Variants in DENND1A observed in about 807,000 individuals in gnomAD.
The protein encoded by DENND1A is DENN domain containing 1A, also known as DENN domain-containing protein 1A.
Under a neutral mutation model 113.7 loss-of-function variants are expected in DENND1A, and 51 were observed. That is an observed-to-expected ratio of 0.45 (90% CI 0.36 to 0.57). DENND1A has a LOEUF of 0.57. DENND1A is among the 20% of genes least tolerant of loss of function. DENND1A has a pLI of 0.00. For synonymous variants in DENND1A, 565 were observed against 570.8 expected (o/e 0.99, Z 0.14); for missense variants, 1,258 against 1,395.9 (o/e 0.90, Z 1.57).
intron 2 of DENND1A, among the ~76,000 whole-genome samples, chr9:123,877,473 T>C (rs1442620628): frequency 7.1e-6 from 1 of 140,260 alleles, no homozygotes; most frequent in Non-Finnish European, 1.6e-5. Flanking sequence ...TGGGCGACAG[T>C]GCAAGATGCC....
At chr9:123,799,994 C>A (rs1262445948) in intron 2 of DENND1A, among the ~76,000 whole-genome samples, 1 of 152,208 alleles carries the variant, frequency 6.6e-6, no homozygotes, top group Non-Finnish European at 1.5e-5. Flanking sequence ...ATTGGAAATA[C>A]ATGTGTTCCT....
intron 3 of DENND1A, among the ~76,000 whole-genome samples, chr9:123,781,860 A>G (rs564435712): frequency 1.3e-5 from 2 of 152,332 alleles, no homozygotes; most frequent in South Asian, 4.1e-4. Context: ...ACCTGAGGTC[A>G]GGAGTTCAAG....
intron 5 of DENND1A, among the ~76,000 whole-genome samples, chr9:123,678,576 A>G (rs2064242758): frequency 6.6e-6 from 1 of 152,172 alleles, no homozygotes; most frequent in Non-Finnish European, 1.5e-5. Context: ...CCCTGTACAG[A>G]TTACCGGCTG....
At position 123,421,127 on chromosome 9, in the gene DENND1A, C is replaced by T. The variant is rs546965178; in HGVS notation, c.1489-9298G>A. Among the ~76,000 whole-genome samples, 10 of 147,218 alleles carry T rather than the reference C, an allele frequency of 6.8e-5. No individual in the cohort carries two copies. The East Asian group carries it at 1.4e-3, about 21-fold the overall frequency. On this transcript the variant is annotated intron_variant, in intron 19 of 23. Transcript: ENST00000394215. ...TGACATTCCCAGGAGGAGGGGGACA[C>T]GAGGTGAGGTTAGAGGGGCTTCCAG...
intron 10 of DENND1A, among the ~76,000 whole-genome samples, chr9:123,613,424 C>A (rs919751179): frequency 1.3e-5 from 2 of 152,070 alleles, no homozygotes; most frequent in African/African-American, 2.4e-5. Context: ...CCATGTTTTT[C>A]CAAGGGTATC....
intron 13 of DENND1A, among the ~76,000 whole-genome samples, chr9:123,537,377 A>G (rs1286060564): frequency 6.6e-6 from 1 of 151,992 alleles, no homozygotes; most frequent in Admixed American, 6.5e-5. Flanking sequence ...AAGGAATAAC[A>G]TCTCAATAAT....
chr9:123,392,861 C>G (rs564137497), intron 21 of DENND1A, among the ~76,000 whole-genome samples: 1 of 152,250 alleles, frequency 6.6e-6, no homozygotes, highest in Non-Finnish European at 1.5e-5. Context: ...GTCATTCTTA[C>G]GCCTTTGCAT....
At chr9:123,531,765 A>G (rs1342510100) in intron 13 of DENND1A, among the ~76,000 whole-genome samples, 2 of 152,218 alleles carry the variant, frequency 1.3e-5, no homozygotes, top group African/African-American at 4.8e-5. Context: ...GAAATAAGAA[A>G]CTTAAAAATG....
chr9:123,681,387 G>A (rs1252699123), intron 5 of DENND1A, among the ~76,000 whole-genome samples: 1 of 152,084 alleles, frequency 6.6e-6, no homozygotes, highest in Non-Finnish European at 1.5e-5. Context: ...TCCGTGATAG[G>A]AAGGGGCAGC....
At chr9:123,763,058 G>A (rs2071171473) in intron 4 of DENND1A, among the ~76,000 whole-genome samples, 1 of 151,902 alleles carries the variant, frequency 6.6e-6, no homozygotes, top group Non-Finnish European at 1.5e-5. Context: ...AGTCCCACAG[G>A]TCATGGTAAA....
intron 5 of DENND1A, among the ~76,000 whole-genome samples, chr9:123,746,194 A>G (rs2069490654): frequency 6.6e-6 from 1 of 152,222 alleles, no homozygotes; most frequent in African/African-American, 2.4e-5. Flanking sequence ...AGGGAAAAAC[A>G]CAGGGTTGTG....
rs373012668 is a variant in DENND1A at position 123,632,624 on chromosome 9, T to G, written c.619-2148A>C. Among the ~76,000 whole-genome samples the G allele has an allele frequency of 1.5e-4, 23 of 152,146 alleles. 1 individual carries two copies. The East Asian group carries it at 1.5e-3, about 10-fold the overall frequency. Reference sequence around the variant, plus strand: ...CGGCCCATCACTTCCTACTCAGAAGTCTTTGGGGACAAGCCTGGCCCGGAT... The same window carrying G: ...CGGCCCATCACTTCCTACTCAGAAGGCTTTGGGGACAAGCCTGGCCCGGAT... On this transcript the variant is annotated intron_variant, in intron 9 of 23. Coordinates refer to ENST00000394215, the MANE Select transcript of DENND1A (RefSeq NM_001352964.2).
At chr9:123,476,767 C>T (rs1011808317) in intron 13 of DENND1A, among the ~76,000 whole-genome samples, 1 of 152,196 alleles carries the variant, frequency 6.6e-6, no homozygotes, top group Admixed American at 6.5e-5. Flanking sequence ...ATTTAATTCT[C>T]GTAACCACCC....
At chr9:123,704,498 G>A (rs573252407) in intron 5 of DENND1A, among the ~76,000 whole-genome samples, 1 of 152,144 alleles carries the variant, frequency 6.6e-6, no homozygotes, top group African/African-American at 2.4e-5. Context: ...CACCCATCGT[G>A]GTCTCATAAA....
chr9:123,859,054 T>C (rs1260261911), intron 2 of DENND1A, among the ~76,000 whole-genome samples: 1 of 152,148 alleles, frequency 6.6e-6, no homozygotes. Flanking sequence ...CCAGGAAGAA[T>C]GCATAGCAAA....
chr9:123,421,251 C>A (rs1014338687), intron 19 of DENND1A, among the ~76,000 whole-genome samples: 1 of 151,624 alleles, frequency 6.6e-6, no homozygotes, highest in Non-Finnish European at 1.5e-5. Flanking sequence ...GGTCTCTATT[C>A]ATCTCAGCAA....
chr9:123,570,224 A>C (rs2058281058), intron 12 of DENND1A, among the ~76,000 whole-genome samples: 1 of 152,188 alleles, frequency 6.6e-6, no homozygotes. Context: ...ATGAACAAAT[A>C]ATCTCCATAC....
Position 123,422,863 on chromosome 9 carries a change from G to A in DENND1A, c.1489-11034C>T, listed in dbSNP as rs1230992693. On this transcript the variant is annotated intron_variant, in intron 19 of 23. Coordinates refer to ENST00000394215, the MANE Select transcript of DENND1A (RefSeq NM_001352964.2). This position sits in a 1 kb window ranked among gnomAD's most constrained non-coding sequence, Gnocchi z 4.8. ...ATCAGCTCTGGTCGATGTGCTTACC[G>A]CAGCAGCCCCTGAGCCCTCGGAGAA... Among the ~76,000 whole-genome samples the A allele has an allele frequency of 1.3e-5, 2 of 152,146 alleles. No homozygotes were observed. The highest frequency in any genetic ancestry group is 2.9e-5 in the Non-Finnish European group (2 of 68,036).
rs143022302 is a variant in DENND1A at position 123,878,301 on chromosome 9, C to T, written c.88+650G>A. Reference sequence around the variant, plus strand: ...GGCAAAATGTATCACCTCTTAGGCACCAAGAAAAAGAACACTAGATCATAA... The same window carrying T: ...GGCAAAATGTATCACCTCTTAGGCATCAAGAAAAAGAACACTAGATCATAA... On this transcript the variant is annotated intron_variant, in intron 2 of 23. Coordinates refer to ENST00000394215, the MANE Select transcript of DENND1A (RefSeq NM_001352964.2). Among the ~76,000 whole-genome samples, 1,339 of 152,048 alleles carry T rather than the reference C, an allele frequency of 8.8e-3. 16 individuals are homozygous for T. The highest frequency in any genetic ancestry group is 0.015 in the Non-Finnish European group (1,036 of 67,990).
Sources: allele counts gnomAD v4.1 joint callset (sites outside exome capture counted in the v4.1 genomes callset), GRCh38; gene constraint gnomAD v4.1.1; non-coding constraint Gnocchi (gnomAD v3.1); transcripts MANE v1.5; gene names NCBI Gene and HGNC (gene_info 2026-07-23, HGNC 2026-07-21).